The following OTUD7A variants were observed in gnomAD, a reference collection of about 807,000 sequenced individuals.
OTUD7A encodes the protein OTU deubiquitinase 7A.
OTUD7A carries 12 observed loss-of-function variants against 65.7 expected under a neutral mutation model. The ratio of observed to expected loss-of-function variants is 0.18; its 90% CI spans 0.12 to 0.30. The LOEUF is 0.30. Among genes scored for constraint, OTUD7A ranks in the 10% least tolerant of loss-of-function variants. The pLI, the probability that OTUD7A is intolerant of heterozygous loss-of-function variation, is 1.00. For synonymous variants in OTUD7A, 641 were observed against 586.3 expected, an observed-to-expected ratio of 1.09 and a Z score of -1.35; for missense variants, 1,148 against 1,304.8, an observed-to-expected ratio of 0.88 and a Z score of 1.85.
At chr15:31,860,552 C>T (rs1164318493) in intron 1 of OTUD7A, among the ~76,000 whole-genome samples, 2 of 149,012 alleles carry the variant, frequency 1.3e-5, no homozygotes, top group African/African-American at 2.5e-5. Flanking sequence ...GGAACGATGT[C>T]CACACAACTC....
At chr15:31,486,431 C>A (rs1289884452) in intron 12 of OTUD7A, among the ~76,000 whole-genome samples, 1 of 152,230 alleles carries the variant, frequency 6.6e-6, no homozygotes, top group Non-Finnish European at 1.5e-5. Context: ...TCATGCCACT[C>A]CTTTACTAAT....
intron 3 of OTUD7A, among the ~76,000 whole-genome samples, chr15:31,602,070 T>C (rs374335132): frequency 6.6e-6 from 1 of 151,928 alleles, no homozygotes; most frequent in East Asian, 1.9e-4. Flanking sequence ...TTCCAATCAA[T>C]AGAAAAAGAG....
At chr15:31,541,853 A>G (rs1183749513) in intron 5 of OTUD7A, among the ~76,000 whole-genome samples, 1 of 152,158 alleles carries the variant, frequency 6.6e-6, no homozygotes, top group Admixed American at 6.5e-5. Context: ...GAATGCAAAG[A>G]TTAGAAATAA....
At chr15:31,860,677 G>A (rs373349192) in intron 1 of OTUD7A, among the ~76,000 whole-genome samples, 7 of 73,278 alleles carry the variant, frequency 9.6e-5, no homozygotes, top group African/African-American at 1.8e-4. Flanking sequence ...ATGTATGTGT[G>A]TATATATATA....
At chr15:31,790,095 G>C (rs1007361882) in intron 1 of OTUD7A, among the ~76,000 whole-genome samples, 21 of 152,194 alleles carry the variant, frequency 1.4e-4, no homozygotes, top group African/African-American at 5.1e-4. Flanking sequence ...ACCATGTGGA[G>C]CCACCACCGC....
intron 1 of OTUD7A, among the ~76,000 whole-genome samples, chr15:31,737,757 G>C (rs989627543): frequency 1.3e-5 from 2 of 152,190 alleles, no homozygotes; most frequent in Non-Finnish European, 2.9e-5. Flanking sequence ...GACTGAATGT[G>C]TTCATACGGG....
intron 3 of OTUD7A, among the ~76,000 whole-genome samples, chr15:31,576,841 T>A (rs1007686886): frequency 6.6e-6 from 1 of 152,108 alleles, no homozygotes; most frequent in Non-Finnish European, 1.5e-5. Flanking sequence ...ACTAACCAAA[T>A]GAACCCTCTC....
At chr15:31,572,126 A>C (rs1211441934) in intron 3 of OTUD7A, among the ~76,000 whole-genome samples, 1 of 152,156 alleles carries the variant, frequency 6.6e-6, no homozygotes, top group Non-Finnish European at 1.5e-5. Context: ...ACTATGGGAG[A>C]TATTAGCTGA....
At chr15:31,615,208 T>G (rs1171113442) in intron 3 of OTUD7A, among the ~76,000 whole-genome samples, 1 of 152,128 alleles carries the variant, frequency 6.6e-6, no homozygotes, top group Non-Finnish European at 1.5e-5. Context: ...CAGACTGGAT[T>G]TAAAAAACCT....
intron 4 of OTUD7A, among the ~76,000 whole-genome samples, chr15:31,562,596 A>T (rs931158990): frequency 8.4e-5 from 12 of 143,520 alleles, no homozygotes; most frequent in African/African-American, 3.0e-4. Context: ...ACTGTGAGTT[A>T]AAAAAAAAAA....
At chr15:31,624,622 G>A (rs1488889325) in intron 3 of OTUD7A, among the ~76,000 whole-genome samples, 1 of 152,070 alleles carries the variant, frequency 6.6e-6, no homozygotes, top group Non-Finnish European at 1.5e-5. Context: ...CTCTGTTCAG[G>A]CCCTATTATG....
intron 1 of OTUD7A, among the ~76,000 whole-genome samples, chr15:31,864,592 C>T (rs28680840): frequency 6.6e-6 from 1 of 151,948 alleles, no homozygotes; most frequent in East Asian, 1.9e-4. Context: ...GATTCAGTTA[C>T]CTCCCTCTGG....
chr15:31,600,220 T>C (rs1890034134), intron 3 of OTUD7A, among the ~76,000 whole-genome samples: 2 of 152,038 alleles, frequency 1.3e-5, no homozygotes, highest in African/African-American at 4.8e-5. Context: ...TTCACCAAGG[T>C]TGAAATGCAG....
At chr15:31,527,351 T>C (rs1297443386) in intron 6 of OTUD7A, 43 bp from the exon 7 acceptor site, 13 of 1,603,910 alleles carry the variant, frequency 8.1e-6, no homozygotes, top group Non-Finnish European at 1.0e-5. Context: ...AGAAAGGACA[T>C]GAGAAAAGAC....
chr15:31,730,853 G>C (rs1204360941), intron 1 of OTUD7A, among the ~76,000 whole-genome samples: 4 of 152,208 alleles, frequency 2.6e-5, no homozygotes, highest in Non-Finnish European at 5.9e-5. Context: ...GTCAGTGATG[G>C]ACATGATGGA....
intron 3 of OTUD7A, among the ~76,000 whole-genome samples, chr15:31,628,817 T>C (rs1417638108): frequency 6.6e-6 from 1 of 152,214 alleles, no homozygotes; most frequent in Non-Finnish European, 1.5e-5. Flanking sequence ...ACATCCCTTG[T>C]AAGTTGGATT....
At chr15:31,736,297 AC>A (rs869083196) in intron 1 of OTUD7A, among the ~76,000 whole-genome samples, 2 of 151,786 alleles carry the variant, frequency 1.3e-5, no homozygotes, top group Non-Finnish European at 2.9e-5. Context: ...GGGTAACTCC[AC>A]CCCCCCAAAA....
intron 1 of OTUD7A, among the ~76,000 whole-genome samples, chr15:31,838,905 G>A (rs1832000434): frequency 6.6e-6 from 1 of 152,184 alleles, no homozygotes; most frequent in South Asian, 2.1e-4. Context: ...AGAGACCTTT[G>A]CCAAATGCAT....
Position 31,483,795 on chromosome 15 carries a change from G to A in OTUD7A, c.2301C>T (p.Gly767=), listed in dbSNP as rs912001244. 65 of 1,032,148 alleles carry A rather than the reference G, an allele frequency of 6.3e-5. No individual in the cohort carries two copies. Among genetic ancestry groups the A allele is most frequent in the Non-Finnish European group, 7.5e-5 (65 of 862,636 alleles). The allele number at this position is 1,032,148 out of a possible 1,614,324, so 63.9% of individuals were successfully genotyped here. Reference sequence around the variant, plus strand: ...GGCGCGCTGGCGCCGGGGGGCTGCGGCCAGGCACTGGTCCGCTGGCGCTCG... The same window carrying A: ...GGCGCGCTGGCGCCGGGGGGCTGCGACCAGGCACTGGTCCGCTGGCGCTCG... ...RRASASGPVP[G]RSPPAPARQS... Residue 767 remains glycine (G), a synonymous_variant, in exon 13 of 13, where the codon GGC becomes GGT. Transcript: ENST00000307050.
Sources: allele counts gnomAD v4.1 joint callset (sites outside exome capture counted in the v4.1 genomes callset), GRCh38; gene constraint gnomAD v4.1.1; transcripts MANE v1.5; gene names NCBI Gene and HGNC (gene_info 2026-07-23, HGNC 2026-07-21).